Variants in RASSF3 observed in about 807,000 individuals in gnomAD.
RASSF3 encodes the protein Ras association domain family member 3, also known as ras association domain-containing protein 3.
A neutral mutation model predicts 19.9 loss-of-function variants in RASSF3; 19 were observed. That is an observed-to-expected ratio of 0.96 (90% confidence interval 0.67 to 1.40). The LOEUF (loss-of-function observed/expected upper bound fraction) is 1.40. Ranked by LOEUF, RASSF3 falls within the 40% of genes most tolerant of loss-of-function variation. The pLI is 0.00. For synonymous variants in RASSF3, 110 were observed against 104.2 expected, an observed-to-expected ratio of 1.06 and a Z score of -0.34; for missense variants, 306 against 289.8, an observed-to-expected ratio of 1.06 and a Z score of -0.41.
chr12:64,536,040 C>T (rs1300810146), intron 1 of RASSF3, among the ~76,000 whole-genome samples: 4 of 135,806 alleles, frequency 2.9e-5, no homozygotes, highest in Non-Finnish European at 4.7e-5. Context: ...GCTCTGTTGC[C>T]CAGGCTGGAG....
At chr12:64,572,548 TAC>T (rs1869535883) in intron 2 of RASSF3, among the ~76,000 whole-genome samples, 2 of 152,258 alleles carry the variant, frequency 1.3e-5, no homozygotes, top group Admixed American at 6.5e-5. Context: ...AGCAGATGAA[TAC>T]AGACAGTAAA....
chr12:64,539,624 A>C (rs1226763312), intron 1 of RASSF3, among the ~76,000 whole-genome samples: 1 of 152,046 alleles, frequency 6.6e-6, no homozygotes, highest in African/African-American at 2.4e-5. Flanking sequence ...AAAAATACAA[A>C]AATTAGGCAA....
At chr12:64,596,037 G>A (rs781509489) in intron 2 of RASSF3, among the ~76,000 whole-genome samples, 19 of 152,196 alleles carry the variant, frequency 1.2e-4, no homozygotes, top group Non-Finnish European at 2.2e-4. Context: ...CAAGGGTCCT[G>A]CCCCAAACCC....
rs140266466 is a variant in RASSF3, at chr12:64,628,129, T to C, written c.111+17386T>C. Among the ~76,000 whole-genome samples, 298 of 152,248 alleles carry C rather than the reference T, an allele frequency of 2.0e-3. 1 individual carries two copies. The highest frequency in any genetic ancestry group is 6.7e-3 in the African/African-American group (277 of 41,556). Reference sequence around the variant, plus strand: ...AAGAGGGAATGTCTTGGGAAAGAAATCAAAGGGAACCTGGGTGATATCTTT... The same window carrying C: ...AAGAGGGAATGTCTTGGGAAAGAAACCAAAGGGAACCTGGGTGATATCTTT... On this transcript the variant is annotated intron_variant, in intron 1 of 4. Transcript: ENST00000542104.
chr12:64,660,046 G>A (rs200048616), intron 1 of RASSF3, among the ~76,000 whole-genome samples: 2 of 47,086 alleles, frequency 4.2e-5, no homozygotes, highest in African/African-American at 1.5e-4. Context: ...ATATATGTGT[G>A]TGTATGTATA....
intron 1 of RASSF3, among the ~76,000 whole-genome samples, chr12:64,660,006 G>T (rs1017299622): frequency 1.6e-5 from 2 of 125,752 alleles, no homozygotes; most frequent in Non-Finnish European, 3.3e-5. Flanking sequence ...ATGTGTGCGT[G>T]TATATATATG....
intron 1 of RASSF3, among the ~76,000 whole-genome samples, chr12:64,663,051 G>A (rs527836460): frequency 6.6e-6 from 1 of 152,220 alleles, no homozygotes; most frequent in East Asian, 1.9e-4. Flanking sequence ...ATAGAAACTA[G>A]AAGGGCCACG....
chr12:64,609,760 T>C (rs1249222642), upstream of RASSF3, among the ~76,000 whole-genome samples: 1 of 152,142 alleles, frequency 6.6e-6, no homozygotes, highest in Non-Finnish European at 1.5e-5. Flanking sequence ...ATTTAATTGA[T>C]AAGCACTCGA....
chr12:64,586,232 G>A (rs187372158), intron 2 of RASSF3, among the ~76,000 whole-genome samples: 1 of 151,866 alleles, frequency 6.6e-6, no homozygotes, highest in African/African-American at 2.4e-5. Context: ...GCTGAGGCAG[G>A]AGAATTGCTT....
At chr12:64,589,886 C>T (rs1869887682) in intron 2 of RASSF3, among the ~76,000 whole-genome samples, 1 of 151,598 alleles carries the variant, frequency 6.6e-6, no homozygotes, top group Non-Finnish European at 1.5e-5. Context: ...CCTGTAACCC[C>T]AGCTACTGGG....
At chr12:64,668,198 A>G (rs1385159799) in intron 1 of RASSF3, among the ~76,000 whole-genome samples, 1 of 152,058 alleles carries the variant, frequency 6.6e-6, no homozygotes, top group African/African-American at 2.4e-5. Context: ...AGAATCAGCA[A>G]TGTAAATATC....
intron 2 of RASSF3, among the ~76,000 whole-genome samples, chr12:64,551,394 G>A (rs1869157163): frequency 6.6e-6 from 1 of 152,106 alleles, no homozygotes; most frequent in Non-Finnish European, 1.5e-5. Context: ...GGGCAACATG[G>A]CAAAACCCTG....
chr12:64,546,332 G>A (rs573258373), downstream of RASSF3, among the ~76,000 whole-genome samples: 119 of 152,070 alleles, frequency 7.8e-4, no homozygotes, highest in African/African-American at 2.8e-3. Context: ...GTGCAGTGGC[G>A]CGATCTTGGC....
intron 2 of RASSF3, among the ~76,000 whole-genome samples, chr12:64,559,858 A>T (rs115935645): frequency 0.012 from 1,852 of 152,304 alleles, 41 homozygotes; most frequent in African/African-American, 0.042. Flanking sequence ...CTGCTCGCTA[A>T]TTCTTATAGG....
intron 1 of RASSF3, among the ~76,000 whole-genome samples, chr12:64,629,298 G>T (rs1444514937): frequency 2.0e-5 from 3 of 151,656 alleles, no homozygotes; most frequent in Admixed American, 6.6e-5. Context: ...TGTAGAGATG[G>T]GGTTTCACAG....
chr12:64,673,012 C>T (rs1872754538), intron 1 of RASSF3, among the ~76,000 whole-genome samples: 1 of 152,166 alleles, frequency 6.6e-6, no homozygotes, highest in African/African-American at 2.4e-5. Flanking sequence ...TTCATTGCTT[C>T]GTGCTTCCTG....
chr12:64,559,304 C>T (rs1466581427), intron 2 of RASSF3, among the ~76,000 whole-genome samples: 51 of 148,098 alleles, frequency 3.4e-4, no homozygotes, highest in Admixed American at 6.8e-4. Context: ...AGTGCAGTGG[C>T]GCGATCTCGG....
At chr12:64,672,216 TTTG>T (rs1872724286) in intron 1 of RASSF3, among the ~76,000 whole-genome samples, 1 of 152,086 alleles carries the variant, frequency 6.6e-6, no homozygotes, top group Non-Finnish European at 1.5e-5. Context: ...GTTATTTTAT[TTTG>T]TTATCTTATT....
chr12:64,632,084 G>C (rs1385979042), intron 1 of RASSF3, among the ~76,000 whole-genome samples: 1 of 152,110 alleles, frequency 6.6e-6, no homozygotes, highest in African/African-American at 2.4e-5. Flanking sequence ...ATACAAGAGG[G>C]GGTGACTAGG....
Sources: allele counts gnomAD v4.1 joint callset (sites outside exome capture counted in the v4.1 genomes callset), GRCh38; gene constraint gnomAD v4.1.1; transcripts MANE v1.5; gene names NCBI Gene and HGNC (gene_info 2026-07-23, HGNC 2026-07-21).